DCDC2: variants seen among roughly 807,000 people sequenced by gnomAD.
The protein encoded by DCDC2 is doublecortin domain containing 2.
DCDC2 carries 40 observed loss-of-function variants against 50.2 expected under a neutral mutation model. The ratio of observed to expected loss-of-function variants is 0.80; its 90% CI spans 0.62 to 1.04. DCDC2 has a LOEUF of 1.04. Among genes scored for constraint, DCDC2 ranks in the 50% least tolerant of loss-of-function variants. The pLI, the probability that DCDC2 is intolerant of heterozygous loss-of-function variation, is 0.00. For synonymous variants in DCDC2, 234 were observed against 210.6 expected (o/e 1.11, Z -0.96); for missense variants, 570 against 581.9 (o/e 0.98, Z 0.21).
chr6:24,179,317 G>A (rs1304313930), intron 8 of DCDC2, among the ~76,000 whole-genome samples: 1 of 151,970 alleles, frequency 6.6e-6, no homozygotes, highest in Non-Finnish European at 1.5e-5. Flanking sequence ...GGAGGCCGAG[G>A]CGGGCAGATC....
At chr6:24,186,529 C>T (rs1761207876) in intron 8 of DCDC2, among the ~76,000 whole-genome samples, 1 of 144,304 alleles carries the variant, frequency 6.9e-6, no homozygotes, top group East Asian at 1.9e-4. Context: ...AACAGTGGTC[C>T]CCTCAGTAGC....
intron 6 of DCDC2, among the ~76,000 whole-genome samples, chr6:24,284,255 C>T (rs1763542671): frequency 6.6e-6 from 1 of 152,194 alleles, no homozygotes; most frequent in Non-Finnish European, 1.5e-5. Flanking sequence ...CTGCCTCCTG[C>T]TTCTATTCTT....
At chr6:24,313,986 C>A (rs1351606811) in intron 2 of DCDC2, among the ~76,000 whole-genome samples, 1 of 152,058 alleles carries the variant, frequency 6.6e-6, no homozygotes, top group Non-Finnish European at 1.5e-5. Context: ...AGCTCCTAGC[C>A]CTAGAAGCGC....
intron 8 of DCDC2, among the ~76,000 whole-genome samples, chr6:24,196,593 T>C (rs1729418179): frequency 6.6e-6 from 1 of 152,154 alleles, no homozygotes; most frequent in Non-Finnish European, 1.5e-5. Context: ...GTTAATTTTT[T>C]GTATTTTCAG....
chr6:24,288,968 G>A (rs189752021), intron 5 of DCDC2, 62 bp from the exon 6 acceptor site: 2 of 1,280,832 alleles, frequency 1.6e-6, no homozygotes, highest in Non-Finnish European at 1.1e-6. Flanking sequence ...TACAATGCAA[G>A]ATAATTATCA....
At chr6:24,196,559 T>G (rs1438358559) in intron 8 of DCDC2, among the ~76,000 whole-genome samples, 1 of 152,154 alleles carries the variant, frequency 6.6e-6, no homozygotes, top group Non-Finnish European at 1.5e-5. Context: ...TATCTGGAAT[T>G]ACAGGTGCCT....
At chr6:24,350,073 C>T (rs756149005) in intron 2 of DCDC2, among the ~76,000 whole-genome samples, 8 of 152,138 alleles carry the variant, frequency 5.3e-5, no homozygotes, top group Non-Finnish European at 1.2e-4. Flanking sequence ...TACAGTTCTG[C>T]CTTTCCCCAA....
intron 8 of DCDC2, 65 bp from the exon 9 acceptor site, chr6:24,178,697 C>T: frequency 7.0e-7 from 1 of 1,426,952 alleles, no homozygotes. Flanking sequence ...CACTGCACAT[C>T]ATAGTAATGT....
At chr6:24,359,412 TTATATATTATATATATTTATATATAC>T (rs1360799241), upstream of DCDC2, among the ~76,000 whole-genome samples, 6 of 48,398 alleles carry the variant, frequency 1.2e-4, no homozygotes, top group African/African-American at 3.1e-4. Context: ...ATTTTATATA[TTATATATTATATATATTTATATATAC>T]TATATAGTAT....
intron 4 of DCDC2, among the ~76,000 whole-genome samples, chr6:24,296,788 GTTA>G (rs946292419): frequency 2.6e-5 from 4 of 152,132 alleles, no homozygotes; most frequent in Non-Finnish European, 5.9e-5. Context: ...AGTCAAAATG[GTTA>G]TTATTAAAAA....
intron 7 of DCDC2, among the ~76,000 whole-genome samples, chr6:24,237,939 G>C (rs915953356): frequency 7.3e-5 from 11 of 149,932 alleles, no homozygotes; most frequent in Non-Finnish European, 1.6e-4. Context: ...GGAGGGAGGA[G>C]AGCAAGGGTT....
At chr6:24,230,438 T>TC (rs750174782) in intron 7 of DCDC2, among the ~76,000 whole-genome samples, 35 of 151,850 alleles carry the variant, frequency 2.3e-4, no homozygotes, top group Non-Finnish European at 4.7e-4. Context: ...GCGCAGGAGT[T>TC]CAAGACCAGC....
the DCDC2 span, among the ~76,000 whole-genome samples, chr6:24,377,566 T>C: frequency 6.6e-6 from 1 of 152,364 alleles, no homozygotes; most frequent in South Asian, 2.1e-4. Flanking sequence ...TATTTTTACG[T>C]GATACTCAAA....
chr6:24,282,260 T>G (rs554367492), intron 6 of DCDC2, among the ~76,000 whole-genome samples: 10 of 152,034 alleles, frequency 6.6e-5, no homozygotes, highest in South Asian at 4.2e-4. Flanking sequence ...GTTTTGTTTT[T>G]TTTTGAGACT....
intron 7 of DCDC2, among the ~76,000 whole-genome samples, chr6:24,268,659 C>A (rs762459234): frequency 6.6e-6 from 1 of 152,086 alleles, no homozygotes; most frequent in Non-Finnish European, 1.5e-5. Context: ...GCAACCCCTG[C>A]CTCCTGGGTT....
intron 2 of DCDC2, among the ~76,000 whole-genome samples, chr6:24,317,318 C>G (rs1035885040): frequency 2.6e-5 from 4 of 151,774 alleles, no homozygotes; most frequent in African/African-American, 4.8e-5. Flanking sequence ...ACTAGAAAGC[C>G]CAGAAACAGA....
At chr6:24,326,213 T>G (rs1408446793) in intron 2 of DCDC2, among the ~76,000 whole-genome samples, 7 of 139,088 alleles carry the variant, frequency 5.0e-5, no homozygotes, top group Non-Finnish European at 9.4e-5. Flanking sequence ...AAGGAAAGAA[T>G]GAAGGAAGGA....
At chr6:24,378,504 G>A in the DCDC2 span, among the ~76,000 whole-genome samples, 2 of 152,044 alleles carry the variant, frequency 1.3e-5, no homozygotes, top group South Asian at 2.1e-4. Flanking sequence ...CTAATTTGGA[G>A]GCATGATATA....
At position 24,271,207 on chromosome 6, in the gene DCDC2, C is replaced by CAAAAACA. The variant is rs1554115076; in HGVS notation, c.922+6841_922+6842insTGTTTTT. 1.0e-4 allele frequency among the ~76,000 whole-genome samples: 4 copies of CAAAAACA among 39,410 alleles called. 1 individual carries two copies. The highest frequency in any genetic ancestry group is 4.2e-4 in the African/African-American group (4 of 9,600). The allele number at this position is 39,410 out of a possible 152,430, so 25.9% of individuals were successfully genotyped here. ...TGGGTGACAGAGTGAGACACTCCCTCAAAAAAAAAAAAAAAAAAGAGAGAG... is the reference window on the plus strand; with the variant it reads ...TGGGTGACAGAGTGAGACACTCCCTCAAAAACAAAAAAAAAAAAAAAAAAAGAGAGAG... On this transcript the variant is annotated intron_variant, in intron 7 of 9. Transcript: ENST00000378454.
Sources: allele counts gnomAD v4.1 joint callset (sites outside exome capture counted in the v4.1 genomes callset), GRCh38; gene constraint gnomAD v4.1.1; transcripts MANE v1.5; gene names NCBI Gene and HGNC (gene_info 2026-07-23, HGNC 2026-07-21).